The following SRBD1 variants were observed in gnomAD, a reference collection of about 807,000 sequenced individuals.
SRBD1 encodes the protein S1 RNA-binding domain-containing protein 1.
A neutral mutation model predicts 115.3 loss-of-function variants in SRBD1; 88 were observed. The observed-to-expected ratio is 0.76, with a 90% confidence interval of 0.64 to 0.91. SRBD1 has a LOEUF of 0.91. SRBD1 is among the 40% of genes least tolerant of loss of function. The pLI, the probability that SRBD1 is intolerant of heterozygous loss-of-function variation, is 0.00. For synonymous variants in SRBD1, 509 were observed against 407.7 expected, an observed-to-expected ratio of 1.25 and a Z score of -2.99; for missense variants, 1,385 against 1,177.4, an observed-to-expected ratio of 1.18 and a Z score of -2.58.
chr2:45,601,362 C>G (rs1419506625), intron 3 of SRBD1, among the ~76,000 whole-genome samples: 2 of 152,178 alleles, frequency 1.3e-5, no homozygotes, highest in Admixed American at 6.5e-5. Context: ...TTATTTTAAA[C>G]TATTAAATAT....
intron 4 of SRBD1, among the ~76,000 whole-genome samples, chr2:45,594,835 C>G (rs1001913803): frequency 6.6e-6 from 1 of 152,102 alleles, no homozygotes; most frequent in Non-Finnish European, 1.5e-5. Context: ...ATGATAACAG[C>G]CAATTTATCA....
chr2:45,561,205 T>A (rs1321951893), intron 10 of SRBD1, among the ~76,000 whole-genome samples: 1 of 152,280 alleles, frequency 6.6e-6, no homozygotes, highest in African/African-American at 2.4e-5. Context: ...AAATAAATGC[T>A]AATTGTAAAT....
chr2:45,583,134 T>A (rs940416791), intron 5 of SRBD1, among the ~76,000 whole-genome samples: 1 of 151,718 alleles, frequency 6.6e-6, no homozygotes, highest in African/African-American at 2.4e-5. Context: ...ATTGCTAAAA[T>A]GATGGGCAAA....
intron 14 of SRBD1, among the ~76,000 whole-genome samples, chr2:45,492,010 C>T (rs895886962): frequency 1.5e-4 from 23 of 151,996 alleles, no homozygotes; most frequent in African/African-American, 5.6e-4. Context: ...TTAATAGAGA[C>T]GGGGTTTTGC....
At chr2:45,446,540 G>A (rs893845228) in intron 16 of SRBD1, among the ~76,000 whole-genome samples, 3 of 152,140 alleles carry the variant, frequency 2.0e-5, no homozygotes, top group Non-Finnish European at 4.4e-5. Flanking sequence ...GTTTTCAAGT[G>A]TGAAGTCTGG....
intron 19 of SRBD1, among the ~76,000 whole-genome samples, chr2:45,397,092 T>C (rs1384548419): frequency 2.0e-5 from 3 of 152,158 alleles, no homozygotes; most frequent in African/African-American, 7.2e-5. Flanking sequence ...AGCACAAAAT[T>C]AAATGCAAGA....
intron 19 of SRBD1, among the ~76,000 whole-genome samples, chr2:45,405,497 G>C (rs1448161137): frequency 2.0e-5 from 3 of 152,166 alleles, no homozygotes; most frequent in East Asian, 1.9e-4. Flanking sequence ...GGTTGGGCTA[G>C]AGCTTAGAAA....
chr2:45,579,801 T>G, intron 7 of SRBD1, 74 bp downstream of exon 7: 6 of 1,435,252 alleles, frequency 4.2e-6, no homozygotes, highest in Non-Finnish European at 5.5e-6. Context: ...AACAAAACAG[T>G]TTTTTAACAT....
At position 45,417,791 on chromosome 2, in the gene SRBD1, G is replaced by A. The variant is rs150720079; in HGVS notation, c.2333+574C>T. Among the ~76,000 whole-genome samples, 67 of 152,318 alleles carry A rather than the reference G, an allele frequency of 4.4e-4. No homozygotes were observed. In the East Asian group the frequency reaches 0.013, roughly 29 times the overall value. On this transcript the variant is annotated intron_variant, in intron 18 of 20. Transcript: ENST00000263736. Reference sequence around the variant, plus strand: ...GAAACATATCTATGCTTAGGGAACAGCTATGTCAGTATAAAGTGGTCATTT... The same window carrying A: ...GAAACATATCTATGCTTAGGGAACAACTATGTCAGTATAAAGTGGTCATTT...
At chr2:45,497,434 C>T (rs930147409) in intron 14 of SRBD1, among the ~76,000 whole-genome samples, 22 of 152,124 alleles carry the variant, frequency 1.4e-4, no homozygotes, top group African/African-American at 5.1e-4. Context: ...TTCCATTTAA[C>T]TTTCCTTCAA....
chr2:45,541,404 G>A (rs998244324), intron 14 of SRBD1, among the ~76,000 whole-genome samples: 5 of 152,192 alleles, frequency 3.3e-5, no homozygotes, highest in African/African-American at 1.2e-4. Flanking sequence ...AGGCAGGAGG[G>A]CATGTTTCAG....
intron 16 of SRBD1, among the ~76,000 whole-genome samples, chr2:45,467,679 G>A (rs1339440011): frequency 2.6e-5 from 4 of 152,096 alleles, no homozygotes; most frequent in African/African-American, 4.8e-5. Context: ...ATTTGACTTC[G>A]TGCAACATTA....
chr2:45,557,277 G>A (rs3821063), intron 10 of SRBD1, among the ~76,000 whole-genome samples: 84,948 of 151,970 alleles, frequency 0.56, 24,707 homozygotes, highest in African/African-American at 0.7. Flanking sequence ...TCATGCAACA[G>A]TATGCTAGAC....
intron 2 of SRBD1, 30 bp from the exon 3 acceptor site, chr2:45,602,113 G>A (rs746681784): frequency 3.8e-6 from 6 of 1,567,010 alleles, no homozygotes; most frequent in Non-Finnish European, 5.2e-6. Context: ...ATAATCTCCA[G>A]GAAAAATAAA....
intron 16 of SRBD1, among the ~76,000 whole-genome samples, chr2:45,466,164 G>A (rs1443681607): frequency 1.3e-5 from 2 of 152,194 alleles, no homozygotes; most frequent in Non-Finnish European, 2.9e-5. Context: ...TCTTTTGTGT[G>A]TGTTGAGGGA....
At chr2:45,567,672 C>G (rs756190377) in intron 9 of SRBD1, among the ~76,000 whole-genome samples, 3 of 151,616 alleles carry the variant, frequency 2.0e-5, no homozygotes, top group Non-Finnish European at 4.4e-5. Flanking sequence ...ACAGAACTAT[C>G]TATAAAGAAA....
intron 1 of SRBD1, among the ~76,000 whole-genome samples, chr2:45,609,242 C>G (rs1674370554): frequency 6.6e-6 from 1 of 152,212 alleles, no homozygotes; most frequent in South Asian, 2.1e-4. Context: ...TTATCATCCT[C>G]CAAAGTTCCA....
chr2:45,400,288 T>A (rs1667257877), intron 19 of SRBD1, among the ~76,000 whole-genome samples: 1 of 152,074 alleles, frequency 6.6e-6, no homozygotes, highest in Admixed American at 6.6e-5. Context: ...AATGGGAAAC[T>A]AAATCAATAA....
intron 14 of SRBD1, among the ~76,000 whole-genome samples, chr2:45,522,721 T>C (rs925341781): frequency 1.3e-5 from 2 of 152,208 alleles, no homozygotes; most frequent in East Asian, 3.8e-4. Context: ...ACCTTTATGA[T>C]GATCCACTTC....
Sources: gnomAD v4.1 joint callset for allele counts (sites outside exome capture counted in the v4.1 genomes callset) on GRCh38, gnomAD v4.1.1 for gene constraint, MANE v1.5 for transcripts, NCBI Gene and HGNC (gene_info 2026-07-23, HGNC 2026-07-21) for gene names.